METAP1D: variants seen among roughly 807,000 people sequenced by gnomAD.
The protein encoded by METAP1D is methionine aminopeptidase 1D, mitochondrial.
METAP1D carries 31 observed loss-of-function variants against 40.5 expected under a neutral mutation model. The ratio of observed to expected loss-of-function variants is 0.77; its 90% confidence interval spans 0.58 to 1.03. The LOEUF is 1.03. METAP1D is among the 50% of genes least tolerant of loss of function. The pLI is 0.00. For missense variants in METAP1D, 411 were observed against 420.7 expected (o/e 0.98, Z 0.20); for synonymous variants, 151 against 146.4 (o/e 1.03, Z -0.22).
intron 1 of METAP1D, among the ~76,000 whole-genome samples, chr2:172,036,810 T>G (rs1314762715): frequency 1.3e-5 from 2 of 152,202 alleles, no homozygotes; most frequent in Non-Finnish European, 2.9e-5. Flanking sequence ...ACCAGTTGAC[T>G]CTCCAGCAGT....
chr2:172,045,699 A>ATGTGTGGG, intron 1 of METAP1D, among the ~76,000 whole-genome samples: 1 of 82,218 alleles, frequency 1.2e-5, no homozygotes, highest in South Asian at 4.7e-4. Context: ...ATTCATATAT[A>ATGTGTGGG]TGTGTGTGTG....
At chr2:172,072,039 GC>G (rs1466057440) in intron 6 of METAP1D, among the ~76,000 whole-genome samples, 1 of 152,114 alleles carries the variant, frequency 6.6e-6, no homozygotes, top group Non-Finnish European at 1.5e-5. Context: ...TATCTGAGAA[GC>G]TTTTATTGAA....
chr2:172,002,063 G>T (rs959058740), intron 1 of METAP1D, among the ~76,000 whole-genome samples: 19 of 113,564 alleles, frequency 1.7e-4, no homozygotes, highest in African/African-American at 6.0e-4. Flanking sequence ...AAAAAAAAAA[G>T]ATCTGGGTTC....
intron 1 of METAP1D, among the ~76,000 whole-genome samples, chr2:172,030,637 G>A (rs370232677): frequency 1.3e-5 from 2 of 152,282 alleles, no homozygotes; most frequent in Admixed American, 6.5e-5. Context: ...ATGAGCAATA[G>A]GAATGCAGCC....
chr2:172,065,897 A>G, intron 4 of METAP1D, 145 bp downstream of exon 4: 1 of 868,750 alleles, frequency 1.2e-6, no homozygotes, highest in South Asian at 1.9e-5. Context: ...GAAATTTTGA[A>G]GTATTTTACT....
At position 172,042,169 on chromosome 2, in the gene METAP1D, A is replaced by C. The variant is rs1213051775; in HGVS notation, c.41-19329A>C. Among the ~76,000 whole-genome samples the C allele has an allele frequency of 5.2e-5, 5 of 96,648 alleles. 1 individual carries two copies. The highest frequency in any genetic ancestry group is 1.7e-4 in the African/African-American group (5 of 29,518). 63.4% of individuals were successfully genotyped at this position (96,648 alleles called of 152,430 possible). On this transcript the variant is annotated intron_variant, in intron 1 of 9. Transcript: ENST00000315796. ...CATATGTATGTGTACATGTGTACAC[A>C]TATACATATGTATGTGTACATGTGT...
chr2:172,069,611 G>A (rs561879300), intron 5 of METAP1D, among the ~76,000 whole-genome samples: 2 of 152,166 alleles, frequency 1.3e-5, no homozygotes, highest in Non-Finnish European at 2.9e-5. Flanking sequence ...ACTGCCAAGT[G>A]TATAAAATAA....
chr2:172,006,186 G>GT (rs11380115), intron 1 of METAP1D, among the ~76,000 whole-genome samples: 3 of 139,808 alleles, frequency 2.1e-5, no homozygotes, highest in East Asian at 2.2e-4. Context: ...TATAGTTTTT[G>GT]TTTTTTTTTT....
intron 1 of METAP1D, among the ~76,000 whole-genome samples, chr2:172,027,206 A>C (rs1428273717): frequency 6.6e-6 from 1 of 152,262 alleles, no homozygotes; most frequent in African/African-American, 2.4e-5. Context: ...CTGTGTCTAG[A>C]GTTAGGCATC....
chr2:172,073,054 A>C (rs143282502), intron 6 of METAP1D, among the ~76,000 whole-genome samples: 1 of 152,320 alleles, frequency 6.6e-6, no homozygotes, highest in African/African-American at 2.4e-5. Context: ...ACTTACTAAC[A>C]AATGGAGCTC....
At chr2:172,038,840 G>A (rs1251874428) in intron 1 of METAP1D, among the ~76,000 whole-genome samples, 1 of 152,176 alleles carries the variant, frequency 6.6e-6, no homozygotes, top group South Asian at 2.1e-4. Flanking sequence ...AAAGACTAGG[G>A]TTACATAATA....
chr2:172,079,352 A>C, intron 8 of METAP1D, 90 bp downstream of exon 8: 2 of 1,149,034 alleles, frequency 1.7e-6, no homozygotes, highest in African/African-American at 1.5e-5. Context: ...TGAAGGACCA[A>C]TAAAGCCAAT....
At chr2:172,018,300 A>C (rs142080268) in intron 1 of METAP1D, among the ~76,000 whole-genome samples, 1 of 152,180 alleles carries the variant, frequency 6.6e-6, no homozygotes, top group African/African-American at 2.4e-5. Context: ...GCATGACCCT[A>C]TAAGATTAGA....
At chr2:172,060,372 C>T (rs1690110001) in intron 1 of METAP1D, among the ~76,000 whole-genome samples, 2 of 148,866 alleles carry the variant, frequency 1.3e-5, no homozygotes, top group Admixed American at 1.3e-4. Context: ...ACCATGATCG[C>T]ACCACTGTTG....
chr2:172,028,911 T>G (rs1689180510), intron 1 of METAP1D, among the ~76,000 whole-genome samples: 1 of 152,244 alleles, frequency 6.6e-6, no homozygotes, highest in Admixed American at 6.5e-5. Flanking sequence ...TATGTTACTT[T>G]AATTATGTAT....
At chr2:172,047,234 A>G (rs1418159919) in intron 1 of METAP1D, among the ~76,000 whole-genome samples, 1 of 151,650 alleles carries the variant, frequency 6.6e-6, no homozygotes, top group Non-Finnish European at 1.5e-5. Flanking sequence ...AATAAACAGG[A>G]ATTTTTATGC....
intron 1 of METAP1D, among the ~76,000 whole-genome samples, chr2:172,043,616 C>A (rs1689670132): frequency 7.5e-6 from 1 of 134,062 alleles, no homozygotes; most frequent in East Asian, 2.0e-4. Flanking sequence ...TATTTAATAG[C>A]ATTATATTCC....
At chr2:172,073,464 TCA>T (rs1031421554) in intron 6 of METAP1D, among the ~76,000 whole-genome samples, 1 of 152,150 alleles carries the variant, frequency 6.6e-6, no homozygotes, top group Non-Finnish European at 1.5e-5. Flanking sequence ...AGGTCAGTTT[TCA>T]CAGAGTATGA....
chr2:172,036,459 G>T (rs958386732), intron 1 of METAP1D, among the ~76,000 whole-genome samples: 3 of 149,122 alleles, frequency 2.0e-5, no homozygotes, highest in Admixed American at 1.3e-4. Flanking sequence ...TCCGCCTTCC[G>T]GGTTCACGCC....
Sources: gnomAD v4.1 joint callset for allele counts (sites outside exome capture counted in the v4.1 genomes callset) on GRCh38, gnomAD v4.1.1 for gene constraint, MANE v1.5 for transcripts, NCBI Gene and HGNC (gene_info 2026-07-23, HGNC 2026-07-21) for gene names.